ERCC4: variants seen among roughly 807,000 people sequenced by gnomAD.
The protein encoded by ERCC4 is ERCC excision repair 4, endonuclease catalytic subunit, also known as DNA repair endonuclease XPF.
In ERCC4, 65 loss-of-function variants were observed where a neutral mutation model predicts 76.9. The ratio of observed to expected loss-of-function variants is 0.84; its 90% confidence interval spans 0.69 to 1.04. The LOEUF (loss-of-function observed/expected upper bound fraction) is 1.04, where lower values mean the gene tolerates loss of function less well. ERCC4 is among the 50% of genes least tolerant of loss of function. The pLI, the probability that ERCC4 is intolerant of heterozygous loss-of-function variation, is 0.00. For missense variants in ERCC4, 1,214 were observed against 1,128.2 expected, an observed-to-expected ratio of 1.08 and a Z score of -1.09; for synonymous variants, 463 against 410.1, an observed-to-expected ratio of 1.13 and a Z score of -1.56.
intron 7 of ERCC4, 171 bp downstream of exon 7, chr16:13,934,473 A>G: frequency 9.9e-6 from 6 of 604,928 alleles, no homozygotes; most frequent in South Asian, 1.9e-5. Context: ...TAAATGGCAA[A>G]TGAACACTGA....
intron 4 of ERCC4, among the ~76,000 whole-genome samples, chr16:13,928,688 A>G (rs1241347181): frequency 6.6e-6 from 1 of 152,160 alleles, no homozygotes; most frequent in Non-Finnish European, 1.5e-5. Context: ...GAATTGAGGA[A>G]ATGGTAAGAC....
intron 9 of ERCC4, 111 bp downstream of exon 9, chr16:13,937,969 G>T: frequency 2.7e-6 from 2 of 740,246 alleles, no homozygotes; most frequent in East Asian, 2.7e-5. Context: ...ACGTTGGAGA[G>T]GATCACATTG....
At chr16:13,920,520 G>C (rs1482182354) in intron 1 of ERCC4, 148 bp downstream of exon 1, 1 of 759,802 alleles carries the variant, frequency 1.3e-6, no homozygotes, top group Non-Finnish European at 2.2e-6. Context: ...GGATGGCAGG[G>C]GTCCCCAGGG....
chr16:13,936,912 CTTTTT>C (rs1182142266), intron 8 of ERCC4, among the ~76,000 whole-genome samples: 2 of 138,056 alleles, frequency 1.4e-5, no homozygotes, highest in Non-Finnish European at 3.2e-5. Context: ...TTTTTTTTTC[CTTTTT>C]TTTTTTTTCT....
intron 4 of ERCC4, among the ~76,000 whole-genome samples, chr16:13,929,781 C>T (rs1262925203): frequency 3.9e-5 from 6 of 152,130 alleles, no homozygotes; most frequent in Non-Finnish European, 7.4e-5. Context: ...CTGGCTAACA[C>T]GGTGAAACCT....
Position 13,935,208 on chromosome 16 carries a change from C to G in ERCC4, c.1276C>G (p.Leu426Val), listed in dbSNP as rs1344869809. ...TTCCCAGCTGAGAGACTATATCACTCTTGGAGCGGAGGCCTTCTTATTGAG... is the reference window on the plus strand; with the variant it reads ...TTCCCAGCTGAGAGACTATATCACTGTTGGAGCGGAGGCCTTCTTATTGAG... Reference protein sequence around the residue: ...TCSQLRDYITLGAEAFLLRLY... With the variant: ...TCSQLRDYITVGAEAFLLRLY... Residue 426 changes from leucine (L) to valine (V), a missense_variant, in exon 8 of 11, where the codon CTT (leucine) becomes GTT (valine). Transcript: ENST00000311895. 4 of 1,614,082 alleles carry G rather than the reference C, an allele frequency of 2.5e-6. No individual in the cohort carries two copies. Among genetic ancestry groups the G allele is most frequent in the Non-Finnish European group, 1.7e-6 (2 of 1,180,008 alleles).
chr16:13,935,062 CTT>C, intron 7 of ERCC4, 82 bp from the exon 8 acceptor site: 1 of 1,040,284 alleles, frequency 9.6e-7, no homozygotes, highest in Non-Finnish European at 1.5e-6. Context: ...GATGTCTTCC[CTT>C]CGGGTGAAGG....
Position 13,937,732 on chromosome 16 carries a change from T to C in ERCC4, c.1812-34T>C, listed in dbSNP as rs1277037583. The C allele has an allele frequency of 3.5e-6, 5 of 1,416,350 alleles. No individual in the cohort carries two copies. In the South Asian group the frequency reaches 4.6e-5, roughly 13 times the overall value. The allele number at this position is 1,416,350 out of a possible 1,614,324, so 87.7% of individuals were successfully genotyped here. On this transcript the variant is annotated intron_variant, in intron 8 of 10. Coordinates refer to ENST00000311895, the MANE Select transcript of ERCC4 (RefSeq NM_005236.3). ...TCCTTTCAGGGATTAAAAATGCTGT[T>C]TTTCCAACCTAAAAGTTCTGTCTTA...
chr16:13,935,836 C>T (rs1202755385), intron 8 of ERCC4, 93 bp downstream of exon 8: 2 of 954,944 alleles, frequency 2.1e-6, no homozygotes, highest in Admixed American at 1.7e-5. Context: ...TCTTTAATAT[C>T]CGTTACGATG....
At chr16:13,921,199 GAA>G (rs2031969018) in intron 1 of ERCC4, among the ~76,000 whole-genome samples, 1 of 152,138 alleles carries the variant, frequency 6.6e-6, no homozygotes, top group Admixed American at 6.5e-5. Context: ...GAGGGACCAG[GAA>G]ATAGGACATT....
chr16:13,926,623 CTCT>C lies in ERCC4; in HGVS notation c.453_455del (p.Phe152del). The stretch of plus-strand genomic sequence containing the variant: ...TTGTCAAGAAGCATTCATCTTGCGC[CTCT>C]TTCGCCAGAAAAACAAACGTGGTTT... On this transcript the variant is annotated inframe_deletion, in exon 3 of 11. Coordinates refer to ENST00000311895, the MANE Select transcript of ERCC4 (RefSeq NM_005236.3). The C allele has an allele frequency of 6.2e-7, 1 of 1,614,160 alleles. No individual in the cohort carries two copies. The highest frequency in any genetic ancestry group is 8.5e-7 in the Non-Finnish European group (1 of 1,180,006).
At position 13,947,880 on chromosome 16, in the gene ERCC4, G is replaced by T. The variant is rs1850075230; in HGVS notation, c.2284G>T (p.Asp762Tyr). 1.2e-6 allele frequency: 2 copies of T among 1,613,980 alleles called. No individual in the cohort carries two copies. Among genetic ancestry groups the T allele is most frequent in the Admixed American group, 1.7e-5 (1 of 60,000 alleles). Residue 762 changes from aspartate (D) to tyrosine (Y), a missense_variant, in exon 11 of 11, where the codon GAC becomes TAC. Transcript: ENST00000311895. ...YKRPVLLIEF[D>Y]PSKPFSLTSR... ...GCGTCCCGTGCTTCTGATTGAGTTT[G>T]ACCCTAGCAAGCCTTTCTCTCTCAC...
chr16:13,935,905 A>T (rs1230055243), intron 8 of ERCC4, among the ~76,000 whole-genome samples, 162 bp downstream of exon 8: 1 of 152,144 alleles, frequency 6.6e-6, no homozygotes, highest in African/African-American at 2.4e-5. Context: ...GTTGGATAGG[A>T]AGGATGTCAA....
At chr16:13,927,223 C>G (rs546594720) in intron 3 of ERCC4, among the ~76,000 whole-genome samples, 1 of 152,254 alleles carries the variant, frequency 6.6e-6, no homozygotes, top group South Asian at 2.1e-4. Context: ...ATTTTTGCAA[C>G]CTATGCTACC....
At chr16:13,925,204 C>T (rs936019326) in intron 2 of ERCC4, among the ~76,000 whole-genome samples, 4 of 152,232 alleles carry the variant, frequency 2.6e-5, no homozygotes, top group African/African-American at 9.6e-5. Context: ...TATCAGTTCT[C>T]TTCTTCCTCC....
At chr16:13,928,355 T>C in intron 4 of ERCC4, 120 bp downstream of exon 4, 1 of 734,642 alleles carries the variant, frequency 1.4e-6, no homozygotes, top group Non-Finnish European at 2.3e-6. Flanking sequence ...AAATTGGAGG[T>C]CACTTAAAAA....
At chr16:13,921,241 G>T (rs2031970197) in intron 1 of ERCC4, among the ~76,000 whole-genome samples, 1 of 152,196 alleles carries the variant, frequency 6.6e-6, no homozygotes, top group African/African-American at 2.4e-5. Context: ...GGGCCATAGG[G>T]TCAGAAAGGG....
intron 10 of ERCC4, among the ~76,000 whole-genome samples, chr16:13,946,369 C>T (rs1360416932): frequency 3.3e-5 from 5 of 152,228 alleles, no homozygotes; most frequent in Non-Finnish European, 7.3e-5. Context: ...GGCTCCTGGG[C>T]CACAAACCTG....
At chr16:13,942,664 G>A (rs1253047310) in intron 9 of ERCC4, among the ~76,000 whole-genome samples, 1 of 152,146 alleles carries the variant, frequency 6.6e-6, no homozygotes, top group Non-Finnish European at 1.5e-5. Flanking sequence ...GAAATGACTT[G>A]CCTAAGGTCA....
Sources: allele counts gnomAD v4.1 joint callset (sites outside exome capture counted in the v4.1 genomes callset), GRCh38; gene constraint gnomAD v4.1.1; transcripts MANE v1.5; gene names NCBI Gene and HGNC (gene_info 2026-07-23, HGNC 2026-07-21).